The following RFX2 variants were observed in gnomAD, a reference collection of about 807,000 sequenced individuals.
RFX2 encodes DNA-binding protein RFX2.
In RFX2, 20 loss-of-function variants were observed where a neutral mutation model predicts 87.8. The observed-to-expected ratio is 0.23, with a 90% CI of 0.16 to 0.33. RFX2 has a LOEUF of 0.33. Ranked by LOEUF, RFX2 falls within the 10% of genes least tolerant of loss-of-function variation. The probability of loss-of-function intolerance (pLI) is 1.00; values close to 1 mark genes in which losing one functional copy is unlikely to be tolerated. For missense variants in RFX2, 767 were observed against 1,012.3 expected (o/e 0.76, Z 3.29); for synonymous variants, 397 against 431.3 (o/e 0.92, Z 0.98).
At chr19:6,084,697 C>T (rs912146010) in intron 1 of RFX2, among the ~76,000 whole-genome samples, 2 of 148,236 alleles carry the variant, frequency 1.3e-5, no homozygotes, top group Non-Finnish European at 2.9e-5. Context: ...TGCAGTGGTG[C>T]GATCTTGGCT....
At position 6,040,239 on chromosome 19, in the gene RFX2, C is replaced by A. The variant is rs779642985; in HGVS notation, c.263G>T (p.Arg88Leu). Residue 88 changes from arginine to leucine, a missense_variant and splice_region_variant, in exon 5 of 18, where the codon CGA becomes CTA. Physicochemically the swap from Arg to Leu is moderately radical, Grantham distance 102. Transcript: ENST00000303657. The surrounding 1 kb of genome is among the most constrained non-coding windows in gnomAD (Gnocchi z 6.1). ...CTCGGGGTTGTAGGTGTAGGCTGTT[C>A]GTCTGTTAGAAAGAGAGAAGTCACG... ...GDAVYTNGAI[R>L]TAYTYNPEPQ... 1 of 1,544,572 alleles carries A rather than the reference C, an allele frequency of 6.5e-7. No individual in the cohort carries two copies. Among genetic ancestry groups the A allele is most frequent in the Non-Finnish European group, 8.8e-7 (1 of 1,139,026 alleles).
intron 13 of RFX2, among the ~76,000 whole-genome samples, chr19:6,003,567 A>C (rs897991972): frequency 1.1e-4 from 16 of 152,130 alleles, no homozygotes; most frequent in Admixed American, 9.8e-4. Flanking sequence ...GCCTGAGGTC[A>C]GGAGTTCGAG....
intron 1 of RFX2, among the ~76,000 whole-genome samples, chr19:6,065,575 A>T (rs1267556613): frequency 6.6e-6 from 1 of 152,190 alleles, no homozygotes; most frequent in Non-Finnish European, 1.5e-5. Context: ...TGAACCCGGG[A>T]GGCGGAGCTT....
In RFX2 at chr19:6,013,065, G is replaced by A; in HGVS notation, c.820C>T (p.Pro274Ser). The change falls in exon 8 of 18, where the codon CCG (proline) becomes TCG (serine). Residue 274 changes from proline (P) to serine (S), a missense_variant. Transcript: ENST00000303657. This position sits in a 1 kb window ranked among gnomAD's most constrained non-coding sequence, Gnocchi z 4.1. ...TGCAGCCGGTTCAGTGGTGAGTCCG[G>A]CTTCAGACGAATCCCATAGTAATGG... is the stretch of plus-strand genomic sequence containing the variant. ...KYHYYGIRLK[P>S]DSPLNRLQED... The A allele has an allele frequency of 1.3e-6, 2 of 1,599,974 alleles. No individual in the cohort carries two copies. The highest frequency in any genetic ancestry group is 1.7e-6 in the Non-Finnish European group (2 of 1,173,764).
intron 1 of RFX2, among the ~76,000 whole-genome samples, chr19:6,105,233 A>G (rs1267470989): frequency 6.6e-6 from 1 of 152,194 alleles, no homozygotes; most frequent in Non-Finnish European, 1.5e-5. Flanking sequence ...GGTGTGTTAT[A>G]TAGGAATAAA....
chr19:6,041,606 C>T (rs566049774), intron 4 of RFX2, among the ~76,000 whole-genome samples: 50 of 140,546 alleles, frequency 3.6e-4, no homozygotes, highest in Non-Finnish European at 1.1e-4. Flanking sequence ...TAGGATTAGC[C>T]TTTTTTTTTT....
Position 6,007,847 on chromosome 19 carries a change from T to C in RFX2, c.1135-45A>G. The C allele has an allele frequency of 7.8e-7, 1 of 1,286,446 alleles. No homozygotes were observed. The highest frequency in any genetic ancestry group is 2.5e-5 in the East Asian group (1 of 39,684). The allele number at this position is 1,286,446 out of a possible 1,614,324, so 79.7% of individuals were successfully genotyped here. A position where few individuals can be genotyped will look rare whatever the true frequency, so the allele number is the denominator to read the frequency against. The stretch of plus-strand genomic sequence containing the variant: ...TGAGACAGACGGGTGCGTGCGCCCA[T>C]CACGTGCACTCAGCACACGTCAAGT... On this transcript the variant is annotated intron_variant, in intron 10 of 17. Coordinates refer to ENST00000303657, the MANE Select transcript of RFX2 (RefSeq NM_000635.4). The surrounding 1 kb of genome is among the most constrained non-coding windows in gnomAD (Gnocchi z 8.2).
rs977883591 is a variant in RFX2, at chr19:6,027,616, G to T, written c.523-1379C>A. ...TCTGGAAGTCTGCCCTAATCTCAGG[G>T]GGCCTTGTCCAGTGCCCAGCAGACT... is the stretch of plus-strand genomic sequence containing the variant. On this transcript the variant is annotated intron_variant, in intron 5 of 17. Coordinates refer to ENST00000303657, the MANE Select transcript of RFX2 (RefSeq NM_000635.4). The surrounding 1 kb of genome is among the most constrained non-coding windows in gnomAD (Gnocchi z 5.0). Among the ~76,000 whole-genome samples, 1 of 152,318 alleles carries T rather than the reference G, an allele frequency of 6.6e-6. No homozygotes were observed. Among genetic ancestry groups the T allele is most frequent in the East Asian group, 1.9e-4 (1 of 5,182 alleles).
chr19:6,084,588 G>T (rs1476013880), intron 1 of RFX2, among the ~76,000 whole-genome samples: 1 of 151,874 alleles, frequency 6.6e-6, no homozygotes, highest in African/African-American at 2.4e-5. Context: ...TGACTCTAGG[G>T]ACCTCCTAGG....
Position 6,007,218 on chromosome 19 carries a change from C to T in RFX2, c.1248-52G>A, listed in dbSNP as rs753190523. The T allele has an allele frequency of 3.2e-6, 5 of 1,582,674 alleles. No individual in the cohort carries two copies. The highest frequency in any genetic ancestry group is 2.3e-5 in the East Asian group (1 of 44,350). ...CTGTGGCCTGGCCCAGGTGGGCTCA[C>T]TCAGCCACGGGAGCGAGCAGAGAGC... On this transcript the variant is annotated intron_variant, in intron 11 of 17. Coordinates refer to ENST00000303657, the MANE Select transcript of RFX2 (RefSeq NM_000635.4). This position sits in a 1 kb window ranked among gnomAD's most constrained non-coding sequence, Gnocchi z 8.2.
intron 1 of RFX2, among the ~76,000 whole-genome samples, chr19:6,060,915 G>A (rs965135793): frequency 3.9e-5 from 6 of 151,946 alleles, no homozygotes; most frequent in Non-Finnish European, 7.4e-5. Flanking sequence ...ACCTGACTCC[G>A]GCTCCCTTCT....
intron 5 of RFX2, among the ~76,000 whole-genome samples, chr19:6,030,321 T>C (rs1221146037): frequency 6.6e-6 from 1 of 152,018 alleles, no homozygotes; most frequent in Admixed American, 6.6e-5. Context: ...ACAGAAACCA[T>C]GGAGGCCAGA....
Position 6,044,288 on chromosome 19 carries a change from A to G in RFX2, c.91-6T>C. ...GCTGCCTGGACCAACACCCTCTAAA[A>G]GGGAAGGGAGAGAAGGCCAGTTAGA... On this transcript the variant is annotated splice_region_variant and splice_polypyrimidine_tract_variant and intron_variant, in intron 2 of 17. Transcript: ENST00000303657. The surrounding 1 kb of genome is among the most constrained non-coding windows in gnomAD (Gnocchi z 5.3). 2 of 1,524,070 alleles carry G rather than the reference A, an allele frequency of 1.3e-6. No individual in the cohort carries two copies. Among genetic ancestry groups the G allele is most frequent in the South Asian group, 1.3e-5 (1 of 79,146 alleles). 94.4% of individuals were successfully genotyped at this position (1,524,070 alleles called of 1,614,324 possible).
In RFX2 at chr19:6,070,740, C is replaced by T. The variant is rs1215154821; in HGVS notation, c.-8-23236G>A. Among the ~76,000 whole-genome samples the T allele has an allele frequency of 2.0e-5, 3 of 152,202 alleles. No homozygotes were observed. The East Asian group carries it at 5.8e-4, about 29-fold the overall frequency. On this transcript the variant is annotated intron_variant, in intron 1 of 17. Coordinates refer to ENST00000303657, the MANE Select transcript of RFX2 (RefSeq NM_000635.4). Reference sequence around the variant, plus strand: ...TTCTAGACACAGGGTCTTGCTCTGTCACCCAGGCTGGAGTACAGTGGTTGG... The same window carrying T: ...TTCTAGACACAGGGTCTTGCTCTGTTACCCAGGCTGGAGTACAGTGGTTGG...
intron 1 of RFX2, among the ~76,000 whole-genome samples, chr19:6,080,202 A>ACGTGTGTGTG (rs2087758422): frequency 7.2e-6 from 1 of 138,412 alleles, no homozygotes; most frequent in Non-Finnish European, 1.6e-5. Flanking sequence ...TGCCTGGTTA[A>ACGTGTGTGTG]TGTGTGTGTG....
chr19:6,069,980 C>A, intron 1 of RFX2, among the ~76,000 whole-genome samples: 1 of 81,818 alleles, frequency 1.2e-5, no homozygotes, highest in Non-Finnish European at 2.4e-5. Context: ...AGTGGATGTT[C>A]TTTCATGGAT....
At chr19:6,019,097 A>G (rs1340575667) in intron 6 of RFX2, among the ~76,000 whole-genome samples, 1 of 150,936 alleles carries the variant, frequency 6.6e-6, no homozygotes, top group African/African-American at 2.4e-5. Flanking sequence ...AGCAGTTGCC[A>G]TCGTTAGCAG....
chr19:6,103,425 C>T (rs1362834393), intron 1 of RFX2, among the ~76,000 whole-genome samples: 1 of 152,190 alleles, frequency 6.6e-6, no homozygotes, highest in African/African-American at 2.4e-5. Context: ...GCAGCAAGGC[C>T]AGGCCGTCTG....
intron 1 of RFX2, chr19:6,073,045 T>C: frequency 4.2e-6 from 2 of 480,740 alleles, no homozygotes; most frequent in East Asian, 4.1e-5. Flanking sequence ...AGTGGTGCGA[T>C]CTCAGCTCAC....
Sources: gnomAD v4.1 joint callset for allele counts (sites outside exome capture counted in the v4.1 genomes callset) on GRCh38, gnomAD v4.1.1 for gene constraint, Gnocchi (gnomAD v3.1) non-coding constraint, MANE v1.5 for transcripts, NCBI Gene and HGNC (gene_info 2026-07-23, HGNC 2026-07-21) for gene names.